The following ARID5B variants were observed in gnomAD, a reference collection of about 807,000 sequenced individuals.
ARID5B encodes the protein AT-rich interactive domain-containing protein 5B.
A neutral mutation model predicts 97.2 loss-of-function variants in ARID5B; 13 were observed. The observed-to-expected ratio is 0.13, with a 90% CI of 0.09 to 0.21. The LOEUF is 0.21. Among genes scored for constraint, ARID5B ranks in the 10% least tolerant of loss-of-function variants. The pLI, the probability that ARID5B is intolerant of heterozygous loss-of-function variation, is 1.00. For missense variants in ARID5B, 1,210 were observed against 1,465.3 expected, an observed-to-expected ratio of 0.83 and a Z score of 2.84; for synonymous variants, 556 against 570.3, an observed-to-expected ratio of 0.97 and a Z score of 0.36.
rs1051577128 is a variant in ARID5B at position 62,096,286 on chromosome 10, G to A, written c.*3256G>A. On this transcript the variant is annotated 3_prime_UTR_variant, in exon 10 of 10. Coordinates refer to ENST00000279873, the MANE Select transcript of ARID5B (RefSeq NM_032199.3). ...TGTTGGTGTGTCTGATGGAAATTTC[G>A]AGGTGGTCCCACAAAAATATTTTAT... is the stretch of plus-strand genomic sequence containing the variant. 4 of 233,504 alleles carry A rather than the reference G, an allele frequency of 1.7e-5. No individual in the cohort carries two copies. Among genetic ancestry groups the A allele is most frequent in the African/African-American group, 6.6e-5 (3 of 45,326 alleles). The allele number at this position is 233,504 out of a possible 1,614,324, so 14.5% of individuals were successfully genotyped here. A position where few individuals can be genotyped will look rare whatever the true frequency, so the allele number is the denominator to read the frequency against.
At chr10:62,010,415 G>T (rs1407575633) in intron 4 of ARID5B, among the ~76,000 whole-genome samples, 1 of 152,192 alleles carries the variant, frequency 6.6e-6, no homozygotes, top group East Asian at 1.9e-4. Flanking sequence ...TAGACTCTAA[G>T]CTCCTTGAGG....
intron 3 of ARID5B, among the ~76,000 whole-genome samples, chr10:61,964,871 C>G (rs781237797): frequency 6.6e-6 from 1 of 152,104 alleles, no homozygotes; most frequent in African/African-American, 2.4e-5. Flanking sequence ...ATTAATTGTA[C>G]GTGTGAATTC....
At chr10:62,002,445 G>C (rs1839091462) in intron 4 of ARID5B, among the ~76,000 whole-genome samples, 1 of 152,138 alleles carries the variant, frequency 6.6e-6, no homozygotes, top group South Asian at 2.1e-4. Context: ...AATAATTAGA[G>C]TATTAGACAT....
intron 4 of ARID5B, among the ~76,000 whole-genome samples, chr10:62,018,808 T>A (rs116874194): frequency 5.3e-5 from 8 of 152,144 alleles, no homozygotes; most frequent in African/African-American, 1.9e-4. Flanking sequence ...TATTTACAGT[T>A]CACCAAGAAC....
chr10:61,919,776 C>T (rs139974653), intron 2 of ARID5B, among the ~76,000 whole-genome samples: 1 of 152,192 alleles, frequency 6.6e-6, no homozygotes, highest in African/African-American at 2.4e-5. Context: ...AGCAACAATG[C>T]ATTGGTTGTA....
At chr10:61,909,017 T>G (rs1484456164) in intron 2 of ARID5B, among the ~76,000 whole-genome samples, 1 of 152,124 alleles carries the variant, frequency 6.6e-6, no homozygotes, top group Non-Finnish European at 1.5e-5. Flanking sequence ...CATCTTTGAA[T>G]TATTACTTCC....
intron 3 of ARID5B, among the ~76,000 whole-genome samples, chr10:61,977,571 C>T (rs1317885138): frequency 1.3e-5 from 2 of 152,222 alleles, no homozygotes; most frequent in Non-Finnish European, 2.9e-5. Flanking sequence ...GAGATGGTAT[C>T]TCATTGTGGT....
Position 61,945,955 on chromosome 10 carries a change from T to A in ARID5B, c.502+5547T>A, listed in dbSNP as rs1315147389. On this transcript the variant is annotated intron_variant, in intron 3 of 9. Transcript: ENST00000279873. ...TAAAAGTCCTTTAGGTTTTTGCTTG[T>A]TTATATGTATATATATAAATACATA... 4.0e-5 allele frequency among the ~76,000 whole-genome samples: 6 copies of A among 149,398 alleles called. No individual in the cohort carries two copies. In the East Asian group the frequency reaches 1.2e-3, roughly 29 times the overall value.
At chr10:61,926,832 G>A (rs1005233452) in intron 2 of ARID5B, among the ~76,000 whole-genome samples, 2 of 152,010 alleles carry the variant, frequency 1.3e-5, no homozygotes, top group African/African-American at 2.4e-5. Flanking sequence ...CATCGTGTTG[G>A]CCAGGATGGT....
chr10:61,904,437 A>C (rs189106181), intron 2 of ARID5B, among the ~76,000 whole-genome samples: 4 of 152,338 alleles, frequency 2.6e-5, no homozygotes, highest in Admixed American at 2.6e-4. Flanking sequence ...GTTGACAGTG[A>C]ATAGATATAT....
At chr10:61,933,504 T>G (rs1231646405) in intron 2 of ARID5B, among the ~76,000 whole-genome samples, 1 of 152,262 alleles carries the variant, frequency 6.6e-6, no homozygotes. Flanking sequence ...CTTCATAAAG[T>G]ATATTTCTTA....
At position 62,095,823 on chromosome 10, in the gene ARID5B, A is replaced by G. The variant is rs1451968742; in HGVS notation, c.*2793A>G. The G allele has an allele frequency of 1.7e-5, 4 of 231,090 alleles. No individual in the cohort carries two copies. The highest frequency in any genetic ancestry group is 3.4e-5 in the Non-Finnish European group (4 of 116,476). The allele number at this position is 231,090 out of a possible 1,614,324, so 14.3% of individuals were successfully genotyped here. A position where few individuals can be genotyped will look rare whatever the true frequency, so the allele number is the denominator to read the frequency against. On this transcript the variant is annotated 3_prime_UTR_variant, in exon 10 of 10. Transcript: ENST00000279873. ...AATTGCACAAGCCTTTCTTTGTGCA[A>G]TCAAACCATTGTTATTGGTAGTTCT... is the stretch of plus-strand genomic sequence containing the variant.
At chr10:61,928,207 C>T (rs552071541) in intron 2 of ARID5B, among the ~76,000 whole-genome samples, 1 of 152,274 alleles carries the variant, frequency 6.6e-6, no homozygotes, top group East Asian at 1.9e-4. Context: ...TGCTCCAGCC[C>T]AGGTTCCTGT....
At position 61,996,765 on chromosome 10, in the gene ARID5B, T is replaced by C. The variant is rs1055267657; in HGVS notation, c.503-3326T>C. Among the ~76,000 whole-genome samples, 4 of 152,184 alleles carry C rather than the reference T, an allele frequency of 2.6e-5. No homozygotes were observed. In the East Asian group the frequency reaches 7.7e-4, roughly 29 times the overall value. ...AGTTAAGAGGGCTTTTAAAATTTGC[T>C]GTCTTCTGTGATATCTGTAACAATC... On this transcript the variant is annotated intron_variant, in intron 3 of 9. Coordinates refer to ENST00000279873, the MANE Select transcript of ARID5B (RefSeq NM_032199.3).
intron 4 of ARID5B, among the ~76,000 whole-genome samples, chr10:62,009,189 C>T (rs10995000): frequency 0.024 from 3,595 of 152,274 alleles, 201 homozygotes; most frequent in Admixed American, 0.14. Flanking sequence ...TTTATGTTCC[C>T]TTAGGAAGTT....
At position 62,096,175 on chromosome 10, in the gene ARID5B, A is replaced by C. The variant is rs1840467227; in HGVS notation, c.*3145A>C. The C allele has an allele frequency of 4.3e-6, 1 of 233,528 alleles. No homozygotes were observed. Among genetic ancestry groups the C allele is most frequent in the African/African-American group, 2.2e-5 (1 of 45,350 alleles). 14.5% of individuals were successfully genotyped at this position (233,528 alleles called of 1,614,324 possible). On this transcript the variant is annotated 3_prime_UTR_variant, in exon 10 of 10. Transcript: ENST00000279873. The stretch of plus-strand genomic sequence containing the variant: ...CTTAAGTTCACTTGTTTATCAGGGC[A>C]TATACAGAAGGGTTTGTTAAAACTC...
intron 2 of ARID5B, among the ~76,000 whole-genome samples, chr10:61,932,796 C>T (rs756917801): frequency 7.9e-5 from 12 of 152,122 alleles, no homozygotes; most frequent in Non-Finnish European, 1.5e-4. Context: ...ACTAACTTGA[C>T]GTAATATTCT....
At chr10:62,054,582 G>A (rs745919469) in intron 5 of ARID5B, among the ~76,000 whole-genome samples, 5 of 152,134 alleles carry the variant, frequency 3.3e-5, no homozygotes, top group Non-Finnish European at 5.9e-5. Context: ...GGGTTACTTT[G>A]GACCTGGTTC....
chr10:61,952,570 G>C (rs116377945), intron 3 of ARID5B, among the ~76,000 whole-genome samples: 1,846 of 152,238 alleles, frequency 0.012, 30 homozygotes, highest in African/African-American at 0.042. Context: ...GAAATCTCTG[G>C]AGTTCTCTGT....
Sources: allele counts gnomAD v4.1 joint callset (sites outside exome capture counted in the v4.1 genomes callset), GRCh38; gene constraint gnomAD v4.1.1; transcripts MANE v1.5; gene names NCBI Gene and HGNC (gene_info 2026-07-23, HGNC 2026-07-21).